The following DLG2 variants were observed in gnomAD, a reference collection of about 807,000 sequenced individuals.
DLG2 encodes the protein discs large MAGUK scaffold protein 2, also known as disks large homolog 2.
In DLG2, 45 loss-of-function variants were observed where a neutral mutation model predicts 132.5. That is an observed-to-expected ratio of 0.34 (90% CI 0.27 to 0.44). The LOEUF is 0.44. Ranked by LOEUF, DLG2 falls within the 20% of genes least tolerant of loss-of-function variation. The pLI is 1.00. For missense variants in DLG2, 1,045 were observed against 1,196.9 expected (o/e 0.87, Z 1.87); for synonymous variants, 424 against 419.6 (o/e 1.01, Z -0.13).
chr11:83,708,159 CT>C (rs2084498844), intron 18 of DLG2, among the ~76,000 whole-genome samples: 1 of 152,100 alleles, frequency 6.6e-6, no homozygotes, highest in Non-Finnish European at 1.5e-5. Context: ...GAAATTTATT[CT>C]GTGTTTAAGT....
At chr11:85,035,303 A>C (rs552721994) in intron 6 of DLG2, among the ~76,000 whole-genome samples, 1 of 152,322 alleles carries the variant, frequency 6.6e-6, no homozygotes, top group African/African-American at 2.4e-5. Context: ...TTTCTTGAAA[A>C]ATGGCACTGT....
chr11:84,579,354 A>T lies in DLG2; in HGVS notation c.358-44623T>A, dbSNP rs565846052. On this transcript the variant is annotated intron_variant, in intron 6 of 27. Coordinates refer to ENST00000376104, the MANE Select transcript of DLG2 (RefSeq NM_001142699.3). Reference sequence around the variant, plus strand: ...TTTTATTTAAAACTCAATAATACACAGTGCCAAAAGTTTATGGTTTCCTGT... The same window carrying T: ...TTTTATTTAAAACTCAATAATACACTGTGCCAAAAGTTTATGGTTTCCTGT... Among the ~76,000 whole-genome samples the T allele has an allele frequency of 2.2e-4, 33 of 152,302 alleles. No homozygotes were observed. In the South Asian group the frequency reaches 6.0e-3, roughly 28 times the overall value.
rs115577532 is a variant in DLG2, at chr11:83,824,126, T to C, written c.1722+9488A>G. Among the ~76,000 whole-genome samples the C allele has an allele frequency of 3.3e-3, 497 of 152,306 alleles. 5 individuals carry two copies. Among genetic ancestry groups the C allele is most frequent in the African/African-American group, 0.011 (469 of 41,554 alleles). ...AATTCAGTGAAATCACAGCGCAGTA[T>C]CCAGCAAAATGCTTTGTGCTGAGCA... is the stretch of plus-strand genomic sequence containing the variant. On this transcript the variant is annotated intron_variant, in intron 17 of 27. Coordinates refer to ENST00000376104, the MANE Select transcript of DLG2 (RefSeq NM_001142699.3).
At chr11:85,144,919 T>C (rs946982637) in intron 5 of DLG2, among the ~76,000 whole-genome samples, 1 of 152,118 alleles carries the variant, frequency 6.6e-6, no homozygotes, top group African/African-American at 2.4e-5. Context: ...CCAGTGAGTT[T>C]TGTACCTTCA....
intron 3 of DLG2, among the ~76,000 whole-genome samples, chr11:85,499,320 C>A (rs1416127301): frequency 6.6e-6 from 1 of 152,138 alleles, no homozygotes; most frequent in Non-Finnish European, 1.5e-5. Flanking sequence ...ATAAACACTT[C>A]TATGCAAATA....
At chr11:84,977,986 G>A (rs964768375) in intron 6 of DLG2, among the ~76,000 whole-genome samples, 1 of 152,140 alleles carries the variant, frequency 6.6e-6, no homozygotes, top group African/African-American at 2.4e-5. Context: ...GCCTTGAGGA[G>A]AGAAGAAATT....
intron 9 of DLG2, among the ~76,000 whole-genome samples, chr11:84,158,355 C>T (rs2095476425): frequency 6.6e-6 from 1 of 152,006 alleles, no homozygotes; most frequent in South Asian, 2.1e-4. Flanking sequence ...GAGCCACCGC[C>T]CCTGGCCTAT....
At chr11:85,426,909 A>G (rs1182641158) in intron 3 of DLG2, among the ~76,000 whole-genome samples, 2 of 152,218 alleles carry the variant, frequency 1.3e-5, no homozygotes, top group Admixed American at 1.3e-4. Context: ...TAACTAGAAT[A>G]ACCAATGCAG....
intron 7 of DLG2, among the ~76,000 whole-genome samples, chr11:84,287,620 G>A (rs140078381): frequency 4.7e-4 from 72 of 151,842 alleles, no homozygotes; most frequent in African/African-American, 9.7e-4. Flanking sequence ...TCAGTGTTGC[G>A]TAAGTCTCTG....
intron 6 of DLG2, among the ~76,000 whole-genome samples, chr11:84,627,719 A>C (rs1414097876): frequency 6.6e-6 from 1 of 152,232 alleles, no homozygotes; most frequent in Non-Finnish European, 1.5e-5. Context: ...AGGCTGCAAA[A>C]GCCAGCATTT....
intron 3 of DLG2, among the ~76,000 whole-genome samples, chr11:85,563,611 AGATT>A (rs1051581229): frequency 2.6e-5 from 4 of 151,460 alleles, no homozygotes. Flanking sequence ...AGTGTTTTTG[AGATT>A]GATTTATGTT....
At chr11:85,086,803 A>G (rs1352102338) in intron 6 of DLG2, among the ~76,000 whole-genome samples, 2 of 152,230 alleles carry the variant, frequency 1.3e-5, no homozygotes, top group Non-Finnish European at 2.9e-5. Context: ...CGGCATATCA[A>G]TCATAGCAAG....
chr11:84,785,093 A>C lies in DLG2; in HGVS notation c.358-250362T>G, dbSNP rs576094340. Among the ~76,000 whole-genome samples, 15 of 152,260 alleles carry C rather than the reference A, an allele frequency of 9.9e-5. 1 individual carries two copies. The South Asian group carries it at 2.3e-3, about 23-fold the overall frequency. ...ATTTTGTGTCAATTTAAAAATAAAT[A>C]AATAAATGTATGATGAGAAAAAAAG... On this transcript the variant is annotated intron_variant, in intron 6 of 27. Coordinates refer to ENST00000376104, the MANE Select transcript of DLG2 (RefSeq NM_001142699.3).
rs2095468559 is a variant in DLG2, at chr11:83,521,080, G to A, written c.2193+11628C>T. Among the ~76,000 whole-genome samples, 3 of 152,326 alleles carry A rather than the reference G, an allele frequency of 2.0e-5. No individual in the cohort carries two copies. The South Asian group carries it at 6.2e-4, about 32-fold the overall frequency. On this transcript the variant is annotated intron_variant, in intron 21 of 27. Transcript: ENST00000376104. ...GTTTTCCCCCAGGCCCTAGAACAGT[G>A]CTGAACATGAAAGACGTCTTGTAAA...
At chr11:85,044,237 G>A (rs2062111964) in intron 6 of DLG2, among the ~76,000 whole-genome samples, 1 of 151,928 alleles carries the variant, frequency 6.6e-6, no homozygotes, top group Admixed American at 6.6e-5. Flanking sequence ...CTATAAGCCT[G>A]TGCTTATTTC....
chr11:85,455,042 C>A lies in DLG2; in HGVS notation c.40+143615G>T, dbSNP rs2092375504. 2.0e-5 allele frequency among the ~76,000 whole-genome samples: 3 copies of A among 152,104 alleles called. No homozygotes were observed. In the South Asian group the frequency reaches 6.2e-4, roughly 32 times the overall value. On this transcript the variant is annotated intron_variant, in intron 3 of 27. Transcript: ENST00000376104. ...CTCTACATAAATTTTAGAATAGTTT[C>A]TTTCTAATTCTGTAAAGAATGTCAT...
chr11:84,544,584 A>G (rs1276630445), intron 6 of DLG2, among the ~76,000 whole-genome samples: 1 of 152,248 alleles, frequency 6.6e-6, no homozygotes, highest in Non-Finnish European at 1.5e-5. Context: ...GAATTCTGGC[A>G]TTAGACACAT....
At chr11:85,595,623 T>C (rs1410513207) in intron 3 of DLG2, among the ~76,000 whole-genome samples, 1 of 152,114 alleles carries the variant, frequency 6.6e-6, no homozygotes, top group African/African-American at 2.4e-5. Flanking sequence ...CTACTCTCAG[T>C]TATTGGCAAA....
intron 4 of DLG2, among the ~76,000 whole-genome samples, chr11:85,191,269 T>C (rs1040241754): frequency 6.6e-6 from 1 of 151,070 alleles, no homozygotes; most frequent in African/African-American, 2.4e-5. Context: ...TAACTTTCCG[T>C]ACTCTTTGCT....
Sources: allele counts gnomAD v4.1 joint callset (sites outside exome capture counted in the v4.1 genomes callset), GRCh38; gene constraint gnomAD v4.1.1; transcripts MANE v1.5; gene names NCBI Gene and HGNC (gene_info 2026-07-23, HGNC 2026-07-21).